Variants in ANKS1A observed in about 807,000 individuals in gnomAD.
ANKS1A encodes ankyrin repeat and sterile alpha motif domain containing 1A, also known as ankyrin repeat and SAM domain-containing protein 1A.
Under a neutral mutation model 120.3 loss-of-function variants are expected in ANKS1A, and 55 were observed. The observed-to-expected ratio is 0.46, with a 90% CI of 0.37 to 0.57. The LOEUF (loss-of-function observed/expected upper bound fraction) is 0.57, where lower values mean the gene tolerates loss of function less well. Ranked by LOEUF, ANKS1A falls within the 20% of genes least tolerant of loss-of-function variation. The pLI is 0.00. For missense variants in ANKS1A, 1,123 were observed against 1,480.3 expected (o/e 0.76, Z 3.96); for synonymous variants, 590 against 604.7 (o/e 0.98, Z 0.36).
downstream of ANKS1A, among the ~76,000 whole-genome samples, chr6:35,095,934 T>C (rs868111050): frequency 6.6e-6 from 1 of 152,230 alleles, no homozygotes; most frequent in Non-Finnish European, 1.5e-5. Context: ...TTCCTTCAGG[T>C]CCCTGAATAT....
intron 18 of ANKS1A, 63 bp from the exon 19 acceptor site, chr6:35,083,092 G>T: frequency 6.3e-7 from 1 of 1,592,398 alleles, no homozygotes; most frequent in African/African-American, 1.3e-5. Flanking sequence ...TCCCAAATTG[G>T]TTGGGTCACC....
chr6:34,930,295 G>A (rs1768918738), intron 1 of ANKS1A, among the ~76,000 whole-genome samples: 2 of 152,136 alleles, frequency 1.3e-5, no homozygotes, highest in Admixed American at 1.3e-4. Flanking sequence ...TCTCTCCTGG[G>A]CTATGTTTGG....
downstream of ANKS1A, among the ~76,000 whole-genome samples, chr6:35,093,724 A>C (rs1177202447): frequency 1.3e-5 from 2 of 152,212 alleles, no homozygotes; most frequent in Non-Finnish European, 2.9e-5. Flanking sequence ...GGGCACAGAC[A>C]AAAACCTGTT....
intron 13 of ANKS1A, among the ~76,000 whole-genome samples, chr6:35,074,472 C>T (rs2127601657): frequency 6.6e-6 from 1 of 152,160 alleles, no homozygotes; most frequent in African/African-American, 2.4e-5. Context: ...TGGTACATGC[C>T]TATGGTACCA....
chr6:34,964,620 A>G (rs1770806503), intron 1 of ANKS1A, among the ~76,000 whole-genome samples: 1 of 152,134 alleles, frequency 6.6e-6, no homozygotes, highest in Non-Finnish European at 1.5e-5. Flanking sequence ...TTAGGAGTAT[A>G]CCTAATATTT....
At chr6:35,051,068 C>T (rs1210746748) in intron 11 of ANKS1A, among the ~76,000 whole-genome samples, 1 of 152,124 alleles carries the variant, frequency 6.6e-6, no homozygotes, top group Non-Finnish European at 1.5e-5. Flanking sequence ...GGGTCAGGCA[C>T]CTGTAACCCC....
At chr6:34,902,759 C>T (rs1470163414) in intron 1 of ANKS1A, among the ~76,000 whole-genome samples, 1 of 149,770 alleles carries the variant, frequency 6.7e-6, no homozygotes, top group African/African-American at 2.5e-5. Context: ...GCCAAAATCG[C>T]GCCATTGTAC....
At chr6:34,969,798 C>G (rs968046898) in intron 2 of ANKS1A, among the ~76,000 whole-genome samples, 3 of 152,132 alleles carry the variant, frequency 2.0e-5, no homozygotes, top group Non-Finnish European at 4.4e-5. Context: ...GATGAGTCAG[C>G]ATAGCATGGC....
intron 1 of ANKS1A, among the ~76,000 whole-genome samples, chr6:34,915,885 C>A (rs1415465816): frequency 6.6e-6 from 1 of 151,558 alleles, no homozygotes; most frequent in Non-Finnish European, 1.5e-5. Flanking sequence ...TTGTTCCCAT[C>A]TTCTCAGAGA....
intron 8 of ANKS1A, among the ~76,000 whole-genome samples, chr6:34,986,849 C>A (rs1178168375): frequency 1.3e-5 from 2 of 152,234 alleles, no homozygotes; most frequent in Non-Finnish European, 2.9e-5. Context: ...CTAGTTATTT[C>A]ACTTATTTTG....
At chr6:34,902,150 C>T (rs1308867069) in intron 1 of ANKS1A, among the ~76,000 whole-genome samples, 1 of 152,166 alleles carries the variant, frequency 6.6e-6, no homozygotes, top group Admixed American at 6.5e-5. Context: ...TCTCTCTTGC[C>T]ATCTTTAGCA....
At chr6:34,920,354 T>C (rs941974681) in intron 1 of ANKS1A, among the ~76,000 whole-genome samples, 6 of 152,152 alleles carry the variant, frequency 3.9e-5, no homozygotes, top group Non-Finnish European at 5.9e-5. Flanking sequence ...TGGCTGGGAC[T>C]ATAGATGTGC....
Position 34,889,558 on chromosome 6 carries a change from C to T in ANKS1A, c.156C>T (p.Gly52=). The T allele has an allele frequency of 3.9e-6, 5 of 1,271,918 alleles. No individual in the cohort carries two copies. The highest frequency in any genetic ancestry group is 4.9e-6 in the Non-Finnish European group (5 of 1,019,048). The allele number at this position is 1,271,918 out of a possible 1,614,324, so 78.8% of individuals were successfully genotyped here. A position where few individuals can be genotyped will look rare whatever the true frequency, so the allele number is the denominator to read the frequency against. Residue 52 remains glycine (G), a synonymous_variant, in exon 1 of 24, where the codon GGC becomes GGT. Transcript: ENST00000360359. This position sits in a 1 kb window ranked among gnomAD's most constrained non-coding sequence, Gnocchi z 5.5. ...GGGGGSGGGG[G]GLGSSSHPLS... ...GCGGCGGCAGCGGCGGCGGCGGCGG[C>T]GGCCTCGGCTCTTCCAGCCACCCCC...
At chr6:34,957,001 C>T (rs190124464) in intron 1 of ANKS1A, among the ~76,000 whole-genome samples, 15 of 152,320 alleles carry the variant, frequency 9.8e-5, no homozygotes, top group African/African-American at 3.4e-4. Flanking sequence ...AATCCCTGAG[C>T]CTTCCCAAGG....
At chr6:34,940,284 A>G (rs1769460161) in intron 1 of ANKS1A, among the ~76,000 whole-genome samples, 1 of 152,164 alleles carries the variant, frequency 6.6e-6, no homozygotes, top group African/African-American at 2.4e-5. Context: ...TAGTTCACTG[A>G]CCCGAAGATG....
At chr6:35,048,673 G>A (rs765078372) in intron 11 of ANKS1A, among the ~76,000 whole-genome samples, 7 of 152,206 alleles carry the variant, frequency 4.6e-5, no homozygotes, top group South Asian at 2.1e-4. Flanking sequence ...GCTGAGAGGC[G>A]TCTGCTGCTA....
chr6:35,083,036 AG>A (rs1742282105), intron 18 of ANKS1A, 118 bp from the exon 19 acceptor site: 1 of 1,346,292 alleles, frequency 7.4e-7, no homozygotes, highest in South Asian at 1.3e-5. Context: ...GGGGCAGGAG[AG>A]GGGGTGTTGT....
intron 14 of ANKS1A, among the ~76,000 whole-genome samples, chr6:35,079,031 G>A (rs1045835122): frequency 6.6e-5 from 10 of 152,158 alleles, no homozygotes; most frequent in South Asian, 4.1e-4. Context: ...CCCTGGCACC[G>A]GGCCCCTCCC....
rs779102495 is a variant in ANKS1A at position 35,082,567 on chromosome 6, C to T, written c.2710-124C>T. ...TTGCTGGTCTGCCCCCTGCCATCTCCACTCGACCCTTGAACTTGCTAAGGT... is the reference window on the plus strand; with the variant it reads ...TTGCTGGTCTGCCCCCTGCCATCTCTACTCGACCCTTGAACTTGCTAAGGT... On this transcript the variant is annotated intron_variant, in intron 17 of 23. Transcript: ENST00000360359. The surrounding 1 kb of genome is among the most constrained non-coding windows in gnomAD (Gnocchi z 4.1). The T allele has an allele frequency of 1.9e-5, 25 of 1,284,334 alleles. No individual in the cohort carries two copies. Among genetic ancestry groups the T allele is most frequent in the Non-Finnish European group, 2.4e-5 (23 of 955,284 alleles). 79.6% of individuals were successfully genotyped at this position (1,284,334 alleles called of 1,614,324 possible). A position where few individuals can be genotyped will look rare whatever the true frequency, so the allele number is the denominator to read the frequency against.
Sources: gnomAD v4.1 joint callset for allele counts (sites outside exome capture counted in the v4.1 genomes callset) on GRCh38, gnomAD v4.1.1 for gene constraint, Gnocchi (gnomAD v3.1) non-coding constraint, MANE v1.5 for transcripts, NCBI Gene and HGNC (gene_info 2026-07-23, HGNC 2026-07-21) for gene names.